BRD3: variants seen among roughly 807,000 people sequenced by gnomAD.
BRD3 encodes bromodomain containing 3, also known as bromodomain-containing protein 3.
Under a neutral mutation model 66.8 loss-of-function variants are expected in BRD3, and 17 were observed. That is an observed-to-expected ratio of 0.25 (90% CI 0.17 to 0.38). The LOEUF (loss-of-function observed/expected upper bound fraction) is 0.38. Among genes scored for constraint, BRD3 ranks in the 10% least tolerant of loss-of-function variants. The probability of loss-of-function intolerance (pLI) is 1.00; values close to 1 mark genes in which losing one functional copy is unlikely to be tolerated. For missense variants in BRD3, 713 were observed against 956.1 expected (o/e 0.75, Z 3.35); for synonymous variants, 421 against 393.2 (o/e 1.07, Z -0.84).
chr9:134,040,321 G>C, intron 8 of BRD3, 52 bp from the exon 9 acceptor site: 1 of 1,550,850 alleles, frequency 6.4e-7, no homozygotes, highest in Non-Finnish European at 8.7e-7. Flanking sequence ...CACACCACTG[G>C]GGCTGCGTGG....
chr9:134,041,519 G>A (rs1028861758), intron 8 of BRD3, among the ~76,000 whole-genome samples: 10 of 152,188 alleles, frequency 6.6e-5, no homozygotes, highest in Non-Finnish European at 1.3e-4. Context: ...CCTGAGGCCC[G>A]CCAGGTCTCC....
chr9:134,042,412 C>T (rs1169940898), intron 7 of BRD3, among the ~76,000 whole-genome samples: 3 of 152,116 alleles, frequency 2.0e-5, no homozygotes, highest in East Asian at 3.9e-4. Context: ...ATCTCATGAA[C>T]GGTGAACTCC....
intron 1 of BRD3, among the ~76,000 whole-genome samples, chr9:134,065,436 GAAA>G (rs36113909): frequency 2.2e-5 from 3 of 135,548 alleles, no homozygotes; most frequent in Non-Finnish European, 3.2e-5. Flanking sequence ...GAGGAGAAGA[GAAA>G]AAAAAAAAAA....
intron 6 of BRD3, among the ~76,000 whole-genome samples, chr9:134,046,693 C>A (rs1444786845): frequency 6.6e-6 from 1 of 152,228 alleles, no homozygotes; most frequent in Admixed American, 6.5e-5. Context: ...CTCCCTGATT[C>A]ACTGCCCCTT....
chr9:134,068,289 G>A (rs1177873659), upstream of BRD3: 1 of 148,658 alleles, frequency 6.7e-6, no homozygotes, highest in Non-Finnish European at 1.5e-5. Flanking sequence ...GGGACCCCGT[G>A]GGCCGTTCCC....
At chr9:134,042,190 C>T (rs1830064564) in intron 7 of BRD3, among the ~76,000 whole-genome samples, 1 of 152,180 alleles carries the variant, frequency 6.6e-6, no homozygotes. Flanking sequence ...CAGGAGCTGG[C>T]CCACAGCTCC....
chr9:134,050,986 G>A (rs933142987), intron 4 of BRD3, among the ~76,000 whole-genome samples: 5 of 152,166 alleles, frequency 3.3e-5, no homozygotes, highest in Admixed American at 6.5e-5. Context: ...TCTGCAACAC[G>A]CGACGGCCCG....
intron 10 of BRD3, among the ~76,000 whole-genome samples, chr9:134,035,486 G>A (rs536102574): frequency 3.6e-4 from 55 of 152,298 alleles, no homozygotes; most frequent in African/African-American, 1.3e-3. Context: ...GCAGTGACTC[G>A]TTCCTGCCAC....
At chr9:134,053,207 G>C (rs1041031953) in intron 2 of BRD3, 58 bp downstream of exon 2, 3 of 1,574,546 alleles carry the variant, frequency 1.9e-6, no homozygotes, top group African/African-American at 1.3e-5. Flanking sequence ...GGCAGCAGGA[G>C]GGGGACAGAG....
chr9:134,042,091 C>T, intron 7 of BRD3, 140 bp from the exon 8 acceptor site: 1 of 1,002,630 alleles, frequency 1.0e-6, no homozygotes, highest in Non-Finnish European at 1.4e-6. Context: ...AGACAGGGTC[C>T]CGCCTGCCTG....
intron 9 of BRD3, among the ~76,000 whole-genome samples, chr9:134,038,074 C>T (rs1829964704): frequency 6.6e-6 from 1 of 152,198 alleles, no homozygotes; most frequent in Admixed American, 6.5e-5. Flanking sequence ...GCTAGTGAAT[C>T]CTACCAAACA....
chr9:134,034,479 A>T, intron 11 of BRD3: 1 of 615,220 alleles, frequency 1.6e-6, no homozygotes, highest in African/African-American at 1.8e-5. Context: ...GGCTGTGTTC[A>T]CACACACTTG....
chr9:134,054,288 G>GCA (rs1181887389), intron 1 of BRD3: 4 of 152,168 alleles, frequency 2.6e-5, no homozygotes, highest in African/African-American at 9.7e-5. Flanking sequence ...AGGGAGCTCT[G>GCA]CACACACGAG....
At chr9:134,038,574 GCCA>G (rs1256350571) in intron 9 of BRD3, among the ~76,000 whole-genome samples, 1 of 152,090 alleles carries the variant, frequency 6.6e-6, no homozygotes, top group Non-Finnish European at 1.5e-5. Flanking sequence ...ACAGGTGGGA[GCCA>G]CCACACCAGG....
chr9:134,053,685 G>A (rs1046522706), intron 1 of BRD3, 95 bp from the exon 2 acceptor site: 58 of 1,145,392 alleles, frequency 5.1e-5, no homozygotes, highest in Non-Finnish European at 6.2e-5. Context: ...CACCTGTCGG[G>A]CCTCAGCAGG....
intron 6 of BRD3, among the ~76,000 whole-genome samples, chr9:134,047,533 G>A (rs1157619566): frequency 6.6e-6 from 1 of 152,242 alleles, no homozygotes; most frequent in Admixed American, 6.5e-5. Flanking sequence ...AGCCCAGGCA[G>A]AGGCTGCCGC....
At position 134,042,100 on chromosome 9, in the gene BRD3, T is replaced by C. The variant is rs1830061899; in HGVS notation, c.1216-149A>G. ...AGGAGGAGACAGGGTCCCGCCTGCC[T>C]GGGGGGCTGTGGTTGCTTCCAGCTT... is the stretch of plus-strand genomic sequence containing the variant. On this transcript the variant is annotated intron_variant, in intron 7 of 11. Transcript: ENST00000303407. 3.3e-6 allele frequency: 3 copies of C among 920,246 alleles called. No homozygotes were observed. In the East Asian group the frequency reaches 9.2e-5, roughly 28 times the overall value. 57.0% of individuals were successfully genotyped at this position (920,246 alleles called of 1,614,324 possible).
chr9:134,053,666 TCCTGAGGGCA>T, intron 1 of BRD3, 76 bp from the exon 2 acceptor site: 1 of 1,330,640 alleles, frequency 7.5e-7, no homozygotes, highest in Non-Finnish European at 9.9e-7. Context: ...CTCGGCGGGC[TCCTGAGGGCA>T]CCTGTCGGGC....
In BRD3 at chr9:134,048,227, G is replaced by A. The variant is rs769685748; in HGVS notation, c.942C>T (p.Tyr314=). 6 of 1,612,770 alleles carry A rather than the reference G, an allele frequency of 3.7e-6. No homozygotes were observed. The highest frequency in any genetic ancestry group is 3.3e-5 in the Admixed American group (2 of 59,998). Residue 314 remains tyrosine (Y), a synonymous_variant, in exon 6 of 12, where the codon TAC becomes TAT. Transcript: ENST00000303407. ...KKGKLSEHLR[Y]CDSILREMLS... ...GCATCTCCCTGAGGATGCTGTCGCA[G>A]TAGCGTAGGTGCTCCGACAGCTTGC...
Sources: allele counts gnomAD v4.1 joint callset (sites outside exome capture counted in the v4.1 genomes callset), GRCh38; gene constraint gnomAD v4.1.1; transcripts MANE v1.5; gene names NCBI Gene and HGNC (gene_info 2026-07-23, HGNC 2026-07-21).